The following CA10 variants were observed in gnomAD, a reference collection of about 807,000 sequenced individuals.
CA10 encodes the protein carbonic anhydrase-related protein 10.
In CA10, 14 loss-of-function variants were observed where a neutral mutation model predicts 44.2. The ratio of observed to expected loss-of-function variants is 0.32; its 90% CI spans 0.21 to 0.50. The LOEUF (loss-of-function observed/expected upper bound fraction) is 0.50. CA10 is among the 20% of genes least tolerant of loss of function. CA10 has a pLI of 0.99. For synonymous variants in CA10, 159 were observed against 141.6 expected (o/e 1.12, Z -0.87); for missense variants, 350 against 409.7 (o/e 0.85, Z 1.26).
chr17:52,014,393 T>A (rs1437837926), intron 2 of CA10, among the ~76,000 whole-genome samples: 1 of 152,056 alleles, frequency 6.6e-6, no homozygotes, highest in Non-Finnish European at 1.5e-5. Context: ...AAGAATAGGC[T>A]ATTTAACAAA....
At chr17:52,044,892 G>T (rs1038775986) in intron 2 of CA10, among the ~76,000 whole-genome samples, 1 of 151,888 alleles carries the variant, frequency 6.6e-6, no homozygotes, top group African/African-American at 2.4e-5. Flanking sequence ...ATTGGAAAGT[G>T]GGTGATGGTA....
Position 51,849,225 on chromosome 17 carries a change from A to G in CA10, c.279+81765T>C, listed in dbSNP as rs1449298409. Among the ~76,000 whole-genome samples, 50 of 29,840 alleles carry G rather than the reference A, an allele frequency of 1.7e-3. 1 individual carries two copies. Among genetic ancestry groups the G allele is most frequent in the African/African-American group, 5.6e-3 (34 of 6,060 alleles). The allele number at this position is 29,840 out of a possible 152,430, so 19.6% of individuals were successfully genotyped here. A position where few individuals can be genotyped will look rare whatever the true frequency, so the allele number is the denominator to read the frequency against. ...TATATGTATATATATATATACATAT[A>G]TGTGTGTGTATATATATATATATAT... is the stretch of plus-strand genomic sequence containing the variant. On this transcript the variant is annotated intron_variant, in intron 3 of 8. Transcript: ENST00000451037.
At chr17:51,809,240 G>C (rs1033850224) in intron 3 of CA10, among the ~76,000 whole-genome samples, 1 of 152,186 alleles carries the variant, frequency 6.6e-6, no homozygotes. Flanking sequence ...CCCTGATGAA[G>C]GTAGATGTGA....
chr17:51,813,052 C>T (rs561055465), intron 3 of CA10, among the ~76,000 whole-genome samples: 1 of 152,026 alleles, frequency 6.6e-6, no homozygotes, highest in African/African-American at 2.4e-5. Context: ...TGGACTAAAT[C>T]GGATAATAGA....
chr17:51,931,546 T>C (rs1023466983), intron 2 of CA10, among the ~76,000 whole-genome samples: 1 of 152,190 alleles, frequency 6.6e-6, no homozygotes, highest in African/African-American at 2.4e-5. Context: ...TTATCCTATT[T>C]GGAAGTTTTT....
At chr17:51,754,058 G>T (rs1013405254) in intron 3 of CA10, among the ~76,000 whole-genome samples, 3 of 151,940 alleles carry the variant, frequency 2.0e-5, no homozygotes, top group African/African-American at 4.8e-5. Context: ...TGGCCAGGCT[G>T]GTCTCGAACT....
chr17:51,646,926 T>C (rs2143259438), intron 6 of CA10, among the ~76,000 whole-genome samples: 1 of 152,328 alleles, frequency 6.6e-6, no homozygotes, highest in South Asian at 2.1e-4. Flanking sequence ...TGCTGAATTA[T>C]AGGAGCACAA....
chr17:52,091,812 T>G (rs11871160), intron 1 of CA10, among the ~76,000 whole-genome samples: 81,379 of 152,012 alleles, frequency 0.54, 22,957 homozygotes, highest in African/African-American at 0.7. Flanking sequence ...ACCATCTCCA[T>G]GATACAGGGT....
rs574512366 is a variant in CA10, at chr17:52,096,777, C to G, written c.62-24384G>C. 6.6e-5 allele frequency among the ~76,000 whole-genome samples: 10 copies of G among 152,274 alleles called. No homozygotes were observed. In the East Asian group the frequency reaches 1.9e-3, roughly 29 times the overall value. ...ATCTCATTTCTGAGGTTGGTCAAAGCCATTTGCAAATATGCTTTTGGTTTT... is the reference window on the plus strand; with the variant it reads ...ATCTCATTTCTGAGGTTGGTCAAAGGCATTTGCAAATATGCTTTTGGTTTT... On this transcript the variant is annotated intron_variant, in intron 1 of 8. Transcript: ENST00000451037.
At chr17:51,639,237 A>G (rs147109640) in intron 6 of CA10, among the ~76,000 whole-genome samples, 2 of 152,326 alleles carry the variant, frequency 1.3e-5, no homozygotes, top group East Asian at 3.9e-4. Context: ...TGTTTAACCA[A>G]GCTTGCACGA....
chr17:51,811,995 C>A (rs768438472), intron 3 of CA10, among the ~76,000 whole-genome samples: 3 of 152,152 alleles, frequency 2.0e-5, no homozygotes, highest in Non-Finnish European at 4.4e-5. Context: ...TGCTGATATG[C>A]CTCATGATAT....
intron 4 of CA10, among the ~76,000 whole-genome samples, chr17:51,665,029 G>A (rs1353094635): frequency 1.3e-5 from 2 of 152,030 alleles, no homozygotes; most frequent in Non-Finnish European, 2.9e-5. Context: ...ATTCACTCAG[G>A]GTTAATTCAG....
At chr17:51,905,544 T>TTTTTTTG (rs1981511989) in intron 3 of CA10, among the ~76,000 whole-genome samples, 2 of 149,612 alleles carry the variant, frequency 1.3e-5, no homozygotes, top group Non-Finnish European at 3.0e-5. Flanking sequence ...TTTTTTTTTT[T>TTTTTTTG]TTTTTTTACA....
intron 4 of CA10, among the ~76,000 whole-genome samples, chr17:51,741,270 G>A (rs960673418): frequency 1.3e-5 from 2 of 152,188 alleles, no homozygotes; most frequent in African/African-American, 4.8e-5. Flanking sequence ...CTCCAGGGTA[G>A]CGCTTAATTG....
intron 1 of CA10, among the ~76,000 whole-genome samples, chr17:52,074,707 TATAA>T (rs1438503341): frequency 1.3e-5 from 2 of 152,136 alleles, no homozygotes; most frequent in African/African-American, 4.8e-5. Flanking sequence ...GTGCTTTAAC[TATAA>T]ATAAAAGAAA....
intron 8 of CA10, among the ~76,000 whole-genome samples, chr17:51,632,843 C>T (rs920453478): frequency 1.3e-5 from 2 of 152,072 alleles, no homozygotes; most frequent in East Asian, 1.9e-4. Flanking sequence ...GGGTGTGCAC[C>T]ACAGAGTTAC....
chr17:51,835,253 A>G (rs191255283), intron 3 of CA10, among the ~76,000 whole-genome samples: 1 of 152,306 alleles, frequency 6.6e-6, no homozygotes, highest in African/African-American at 2.4e-5. Context: ...CATGCTGGGT[A>G]CACAAGGTGG....
chr17:52,155,647 T>C (rs773004118), intron 1 of CA10, among the ~76,000 whole-genome samples: 4 of 151,968 alleles, frequency 2.6e-5, no homozygotes, highest in Non-Finnish European at 4.4e-5. Context: ...AAATAAAGAG[T>C]ATATGATGTT....
chr17:52,059,893 G>GT (rs1373684981), intron 2 of CA10, among the ~76,000 whole-genome samples: 2 of 152,122 alleles, frequency 1.3e-5, no homozygotes, highest in East Asian at 3.9e-4. Context: ...ATGTCATAAA[G>GT]TAAGACATCA....
Sources: allele counts gnomAD v4.1 joint callset (sites outside exome capture counted in the v4.1 genomes callset), GRCh38; gene constraint gnomAD v4.1.1; transcripts MANE v1.5; gene names NCBI Gene and HGNC (gene_info 2026-07-23, HGNC 2026-07-21).